Variants in THSD4 observed in about 807,000 individuals in gnomAD.
THSD4 encodes thrombospondin type 1 domain containing 4.
In THSD4, 69 loss-of-function variants were observed where a neutral mutation model predicts 119.0. The observed-to-expected ratio is 0.58, with a 90% CI of 0.48 to 0.71. THSD4 has a LOEUF of 0.71. Among genes scored for constraint, THSD4 ranks in the 30% least tolerant of loss-of-function variants. THSD4 has a pLI of 0.00. For missense variants in THSD4, 1,393 were observed against 1,391.1 expected (o/e 1.00, Z -0.02); for synonymous variants, 524 against 540.4 (o/e 0.97, Z 0.42).
chr15:71,593,532 T>G (rs2140877895), intron 7 of THSD4, among the ~76,000 whole-genome samples: 1 of 151,536 alleles, frequency 6.6e-6, no homozygotes, highest in South Asian at 2.1e-4. Flanking sequence ...CTGGAGACAG[T>G]GTGACAAGGC....
chr15:71,425,069 CA>C (rs199987075), intron 7 of THSD4, among the ~76,000 whole-genome samples: 1 of 149,368 alleles, frequency 6.7e-6, no homozygotes. Flanking sequence ...AGGTGCCTTG[CA>C]AAAAAAAATA....
At chr15:71,561,896 ACACACACACACACACACAC>A (rs2049124802) in intron 7 of THSD4, among the ~76,000 whole-genome samples, 1 of 101,230 alleles carries the variant, frequency 9.9e-6, no homozygotes. Flanking sequence ...ACACACACAC[ACACACACACACACACACAC>A]ACACAAACAC....
At chr15:71,102,006 G>A (rs570455436) in intron 1 of THSD4, among the ~76,000 whole-genome samples, 2 of 152,140 alleles carry the variant, frequency 1.3e-5, no homozygotes, top group African/African-American at 2.4e-5. Context: ...AGCCACTGTG[G>A]AGGGCCGATA....
chr15:71,191,939 G>C (rs1008453569), intron 3 of THSD4, among the ~76,000 whole-genome samples: 2 of 142,354 alleles, frequency 1.4e-5, no homozygotes, highest in Non-Finnish European at 3.0e-5. Context: ...ATCTCACTCT[G>C]TCACCTGGGC....
At chr15:71,292,850 G>A (rs1168358414) in intron 6 of THSD4, among the ~76,000 whole-genome samples, 2 of 151,916 alleles carry the variant, frequency 1.3e-5, no homozygotes, top group Non-Finnish European at 2.9e-5. Context: ...CTGATTTTTT[G>A]TATTTTTAGT....
At chr15:71,166,720 C>T (rs2043298281) in intron 3 of THSD4, among the ~76,000 whole-genome samples, 1 of 152,130 alleles carries the variant, frequency 6.6e-6, no homozygotes, top group African/African-American at 2.4e-5. Flanking sequence ...TCATCAGTAA[C>T]TCCAGTCAAA....
chr15:71,662,194 C>T (rs916785365), intron 8 of THSD4, among the ~76,000 whole-genome samples: 4 of 152,120 alleles, frequency 2.6e-5, no homozygotes, highest in Non-Finnish European at 4.4e-5. Context: ...ACTCCAGACT[C>T]GGGAACTCCA....
chr15:71,194,063 C>G (rs982457065), intron 3 of THSD4, among the ~76,000 whole-genome samples: 2 of 152,188 alleles, frequency 1.3e-5, no homozygotes, highest in Admixed American at 1.3e-4. Flanking sequence ...CTCTCACTCT[C>G]TCTTGCCTGC....
chr15:71,660,445 T>C (rs2051279006), intron 7 of THSD4, 85 bp from the exon 8 acceptor site: 1 of 1,543,578 alleles, frequency 6.5e-7, no homozygotes, highest in Non-Finnish European at 8.9e-7. Context: ...AGAAAAGAAA[T>C]TTCTTGCCCA....
At chr15:71,452,928 A>C (rs538903937) in intron 7 of THSD4, among the ~76,000 whole-genome samples, 1 of 152,130 alleles carries the variant, frequency 6.6e-6, no homozygotes, top group Non-Finnish European at 1.5e-5. Context: ...AGGCAGTTAA[A>C]TTTAGATGAG....
chr15:71,160,182 G>C (rs1301663867), intron 3 of THSD4, among the ~76,000 whole-genome samples: 1 of 151,422 alleles, frequency 6.6e-6, no homozygotes, highest in Non-Finnish European at 1.5e-5. Context: ...CTTGATATTA[G>C]TGAATAATAT....
intron 7 of THSD4, among the ~76,000 whole-genome samples, chr15:71,416,382 A>G (rs2046759611): frequency 1.3e-5 from 1 of 75,914 alleles, no homozygotes; most frequent in South Asian, 3.8e-4. Context: ...GGGTAGCTCT[A>G]TTCTTACTTT....
intron 4 of THSD4, among the ~76,000 whole-genome samples, chr15:71,239,296 C>T (rs191629042): frequency 1.3e-5 from 2 of 152,280 alleles, no homozygotes; most frequent in Admixed American, 6.5e-5. Flanking sequence ...TCTCAGGTTC[C>T]TACCAGCACT....
chr15:71,343,579 C>G (rs889619408), intron 6 of THSD4, among the ~76,000 whole-genome samples: 3 of 152,096 alleles, frequency 2.0e-5, no homozygotes, highest in African/African-American at 7.2e-5. Context: ...GCACATTGCT[C>G]AAGCCTCTGT....
At chr15:71,489,347 CT>C (rs140854240) in intron 7 of THSD4, among the ~76,000 whole-genome samples, 3,470 of 152,130 alleles carry the variant, frequency 0.023, 129 homozygotes, top group African/African-American at 0.08. Flanking sequence ...CTCATTGTAG[CT>C]AATTTTGTAT....
At chr15:71,757,773 C>T in intron 14 of THSD4, 129 bp from the exon 15 acceptor site, 1 of 1,182,010 alleles carries the variant, frequency 8.5e-7, no homozygotes, top group African/African-American at 1.5e-5. Flanking sequence ...GCACGAGAAG[C>T]TGCCAGATAT....
At chr15:71,524,803 G>A (rs1347571381) in intron 7 of THSD4, among the ~76,000 whole-genome samples, 4 of 145,870 alleles carry the variant, frequency 2.7e-5, no homozygotes, top group Non-Finnish European at 6.0e-5. Context: ...TAGTAGAGAC[G>A]GGGTTTCACC....
At chr15:71,628,988 A>G (rs556048744) in intron 7 of THSD4, among the ~76,000 whole-genome samples, 192 of 152,310 alleles carry the variant, frequency 1.3e-3, no homozygotes, top group Non-Finnish European at 2.5e-3. Flanking sequence ...TGCGAAGATA[A>G]ACAAGGCAGT....
intron 6 of THSD4, among the ~76,000 whole-genome samples, chr15:71,318,909 G>A (rs189958748): frequency 7.3e-4 from 111 of 152,296 alleles, no homozygotes; most frequent in Non-Finnish European, 1.4e-3. Flanking sequence ...GGTGCAGTAC[G>A]ATTCTCCTAG....
Sources: allele counts gnomAD v4.1 joint callset (sites outside exome capture counted in the v4.1 genomes callset), GRCh38; gene constraint gnomAD v4.1.1; transcripts MANE v1.5; gene names NCBI Gene and HGNC (gene_info 2026-07-23, HGNC 2026-07-21).